Variants in AAMDC observed in about 807,000 individuals in gnomAD.
The protein encoded by AAMDC is adipogenesis associated Mth938 domain containing.
In AAMDC, 16 loss-of-function variants were observed where a neutral mutation model predicts 15.5. That is an observed-to-expected ratio of 1.03 (90% CI 0.70 to 1.57). AAMDC has a LOEUF of 1.57. Among genes scored for constraint, AAMDC ranks in the 40% most tolerant of loss-of-function variants. AAMDC has a pLI of 0.00. For synonymous variants in AAMDC, 51 were observed against 51.6 expected, an observed-to-expected ratio of 0.99 and a Z score of 0.05; for missense variants, 141 against 144.9, an observed-to-expected ratio of 0.97 and a Z score of 0.14.
chr11:77,842,629 G>A lies in AAMDC; in HGVS notation c.132+1G>A, dbSNP rs1319083042. The A allele has an allele frequency of 6.2e-7, 1 of 1,613,604 alleles. No individual in the cohort carries two copies. The highest frequency in any genetic ancestry group is 1.3e-5 in the African/African-American group (1 of 74,916). On this transcript the variant is annotated splice_donor_variant, in intron 2 of 3. Transcript: ENST00000393427. LOFTEE classifies it high-confidence loss of function. ...GGATTGGAGAGAAACAGGAACTGAG[G>A]TAAGATATTAGTCTTTGGTTGATAC...
intron 5 of AAMDC, among the ~76,000 whole-genome samples, chr11:77,889,555 A>T (rs1194381921): frequency 6.6e-6 from 1 of 152,170 alleles, no homozygotes; most frequent in Non-Finnish European, 1.5e-5. Flanking sequence ...ATAATAATAA[A>T]ATAAAATAAA....
chr11:77,896,949 T>C (rs1038281835), intron 5 of AAMDC, among the ~76,000 whole-genome samples: 1 of 150,260 alleles, frequency 6.7e-6, no homozygotes, highest in Non-Finnish European at 1.5e-5. Flanking sequence ...GGTTTGAGCA[T>C]GAAAAATAAG....
intron 1 of AAMDC, among the ~76,000 whole-genome samples, chr11:77,832,337 T>C (rs1410832404): frequency 6.6e-6 from 1 of 152,192 alleles, no homozygotes; most frequent in Non-Finnish European, 1.5e-5. Context: ...GAACTTTTTT[T>C]TTTTTTGAGA....
chr11:77,823,110 G>T (rs1463298699), intron 1 of AAMDC, among the ~76,000 whole-genome samples: 4 of 150,844 alleles, frequency 2.7e-5, no homozygotes, highest in Admixed American at 6.6e-5. Flanking sequence ...AGCTACTCGG[G>T]AGGCTGAGGC....
intron 5 of AAMDC, among the ~76,000 whole-genome samples, chr11:77,890,511 T>G (rs1952215308): frequency 1.3e-5 from 2 of 152,026 alleles, no homozygotes; most frequent in Admixed American, 1.3e-4. Context: ...CTAAAAGGTT[T>G]AGCCCTGCAT....
intron 5 of AAMDC, among the ~76,000 whole-genome samples, chr11:77,888,541 A>G (rs1261930330): frequency 6.6e-6 from 1 of 152,248 alleles, no homozygotes; most frequent in Non-Finnish European, 1.5e-5. Flanking sequence ...AAAACAGCAA[A>G]AGCAATGGCA....
intron 1 of AAMDC, among the ~76,000 whole-genome samples, chr11:77,827,666 T>C (rs1018722330): frequency 6.6e-6 from 1 of 152,178 alleles, no homozygotes; most frequent in Non-Finnish European, 1.5e-5. Flanking sequence ...ATGCCTAATA[T>C]ATGGAATGCT....
At chr11:77,826,985 G>A (rs1395434886) in intron 1 of AAMDC, among the ~76,000 whole-genome samples, 2 of 151,964 alleles carry the variant, frequency 1.3e-5, no homozygotes, top group Admixed American at 6.5e-5. Context: ...CACACCCGTC[G>A]TCCCTGCTAC....
chr11:77,837,736 C>G (rs1011177738), intron 1 of AAMDC, among the ~76,000 whole-genome samples: 4 of 152,060 alleles, frequency 2.6e-5, no homozygotes, highest in African/African-American at 9.7e-5. Flanking sequence ...ACGCCCAGCC[C>G]TCAGGTACTT....
intron 1 of AAMDC, among the ~76,000 whole-genome samples, chr11:77,832,973 GTGTGTGTGTGTGT>G: frequency 1.5e-5 from 1 of 64,816 alleles, no homozygotes; most frequent in African/African-American, 8.4e-5. Flanking sequence ...GTGTGTGTGT[GTGTGTGTGTGTGT>G]GTGTGTGTGT....
intron 3 of AAMDC, among the ~76,000 whole-genome samples, chr11:77,870,397 C>T (rs533236328): frequency 6.7e-5 from 9 of 134,770 alleles, no homozygotes; most frequent in Middle Eastern, 5.2e-3. Flanking sequence ...AGTGCAGTGG[C>T]GCCATCTTGG....
At chr11:77,870,556 C>G (rs1336490418) in intron 3 of AAMDC, among the ~76,000 whole-genome samples, 2 of 151,970 alleles carry the variant, frequency 1.3e-5, no homozygotes, top group African/African-American at 4.8e-5. Context: ...CCAGGATGGT[C>G]TTGATCTCCT....
At chr11:77,825,204 G>T (rs904710113) in intron 1 of AAMDC, among the ~76,000 whole-genome samples, 1 of 151,718 alleles carries the variant, frequency 6.6e-6, no homozygotes, top group African/African-American at 2.4e-5. Context: ...GGATGGTCTC[G>T]ATCTCCTGAC....
downstream of AAMDC, among the ~76,000 whole-genome samples, chr11:77,874,302 T>A (rs1159634921): frequency 6.6e-6 from 1 of 151,984 alleles, no homozygotes; most frequent in Non-Finnish European, 1.5e-5. Context: ...CCTTGGCTCA[T>A]AAAGCCAGCC....
intron 5 of AAMDC, among the ~76,000 whole-genome samples, chr11:77,898,506 A>G (rs1415348692): frequency 5.3e-5 from 8 of 152,198 alleles, no homozygotes; most frequent in Non-Finnish European, 5.9e-5. Context: ...ACAAAAGCAT[A>G]CTAAAATCTT....
At chr11:77,900,270 TA>T (rs1425086050) in intron 5 of AAMDC, among the ~76,000 whole-genome samples, 6 of 151,966 alleles carry the variant, frequency 3.9e-5, no homozygotes, top group Admixed American at 3.3e-4. Context: ...CGGCTAATTT[TA>T]TGTATTTTTA....
chr11:77,863,417 T>C (rs1487589438), intron 2 of AAMDC, among the ~76,000 whole-genome samples: 1 of 152,024 alleles, frequency 6.6e-6, no homozygotes, highest in African/African-American at 2.4e-5. Flanking sequence ...AAGAGTGCAG[T>C]TGCAAGATTT....
chr11:77,892,178 C>G (rs1202095650), intron 5 of AAMDC, among the ~76,000 whole-genome samples: 1 of 152,134 alleles, frequency 6.6e-6, no homozygotes, highest in African/African-American at 2.4e-5. Flanking sequence ...TTAAGACCTA[C>G]GAAGCGCCAA....
In AAMDC at chr11:77,883,782, G is replaced by A. The variant is rs1951882780; in HGVS notation, c.328+6733G>A. On this transcript the variant is annotated intron_variant, in intron 5 of 5. Transcript: ENST00000304716. The stretch of plus-strand genomic sequence containing the variant: ...AAAAACCAAACGCTTAAGGGTAGGT[G>A]TGATCTCCAGCAGCATATTTCCCTT... 3 of 1,595,962 alleles carry A rather than the reference G, an allele frequency of 1.9e-6. No individual in the cohort carries two copies. In the African/African-American group the frequency reaches 4.0e-5, roughly 21 times the overall value.
Sources: allele counts gnomAD v4.1 joint callset (sites outside exome capture counted in the v4.1 genomes callset), GRCh38; gene constraint gnomAD v4.1.1; transcripts MANE v1.5; gene names NCBI Gene and HGNC (gene_info 2026-07-23, HGNC 2026-07-21).